Variants in PCSK2 observed in about 807,000 individuals in gnomAD.
The protein encoded by PCSK2 is proprotein convertase subtilisin/kexin type 2, also known as neuroendocrine convertase 2.
PCSK2 carries 14 observed loss-of-function variants against 69.7 expected under a neutral mutation model. The observed-to-expected ratio is 0.20, with a 90% confidence interval of 0.13 to 0.31. The LOEUF (loss-of-function observed/expected upper bound fraction) is 0.31. Among genes scored for constraint, PCSK2 ranks in the 10% least tolerant of loss-of-function variants. PCSK2 has a pLI of 1.00. For missense variants in PCSK2, 544 were observed against 842.5 expected (o/e 0.65, Z 4.39); for synonymous variants, 307 against 320.7 (o/e 0.96, Z 0.46).
intron 2 of PCSK2, among the ~76,000 whole-genome samples, chr20:17,303,502 TA>T: frequency 7.9e-5 from 3 of 38,066 alleles, no homozygotes; most frequent in East Asian, 1.8e-3. Context: ...TTTAATATAA[TA>T]TATATTATAT....
rs1161274418 is a variant in PCSK2, at chr20:17,271,576, G to T, written c.282+11232G>T. Among the ~76,000 whole-genome samples, 3 of 152,038 alleles carry T rather than the reference G, an allele frequency of 2.0e-5. No individual in the cohort carries two copies. The East Asian group carries it at 5.8e-4, about 30-fold the overall frequency. On this transcript the variant is annotated intron_variant, in intron 2 of 11. Transcript: ENST00000262545. Reference sequence around the variant, plus strand: ...CAAGCAAGAGAATAAACGGCAAAATGATCTTCTCCTCTGTGTGAGGAACAC... The same window carrying T: ...CAAGCAAGAGAATAAACGGCAAAATTATCTTCTCCTCTGTGTGAGGAACAC...
At chr20:17,326,459 A>C (rs1990055706) in intron 2 of PCSK2, among the ~76,000 whole-genome samples, 1 of 152,220 alleles carries the variant, frequency 6.6e-6, no homozygotes, top group African/African-American at 2.4e-5. Context: ...AAACTAATTA[A>C]ATCTGAATAA....
At chr20:17,368,962 A>G (rs2030679291) in intron 4 of PCSK2, among the ~76,000 whole-genome samples, 1 of 152,202 alleles carries the variant, frequency 6.6e-6, no homozygotes, top group African/African-American at 2.4e-5. Flanking sequence ...CAAGATTTCT[A>G]CAAATCTCTT....
Position 17,358,353 on chromosome 20 carries a change from A to C in PCSK2, c.309A>C (p.Gly103=), listed in dbSNP as rs141792129. 1.6e-5 allele frequency: 25 copies of C among 1,610,918 alleles called. No individual in the cohort carries two copies. The highest frequency in any genetic ancestry group is 2.0e-5 in the Non-Finnish European group (23 of 1,177,196). Residue 103 remains glycine, a synonymous_variant, in exon 3 of 12, where the codon GGA becomes GGC. Coordinates refer to ENST00000262545, the MANE Select transcript of PCSK2 (RefSeq NM_002594.5). The part of the protein sequence containing the change: ...PRVKMALQQE[G]FDRKKRGYRD... ...TAAAGATGGCTTTGCAGCAGGAAGG[A>C]TTTGACCGAAAAAAGCGAGGTTACA...
chr20:17,290,259 A>G (rs1369877116), intron 2 of PCSK2, among the ~76,000 whole-genome samples: 1 of 152,218 alleles, frequency 6.6e-6, no homozygotes. Flanking sequence ...TAGTGACTGA[A>G]TTAATGATTT....
intron 5 of PCSK2, among the ~76,000 whole-genome samples, chr20:17,385,368 C>A (rs2031207954): frequency 6.6e-6 from 1 of 152,188 alleles, no homozygotes; most frequent in Non-Finnish European, 1.5e-5. Context: ...ATAGCACCCT[C>A]ATTTGAGAGC....
At chr20:17,385,567 T>C (rs942039350) in intron 5 of PCSK2, among the ~76,000 whole-genome samples, 4 of 152,256 alleles carry the variant, frequency 2.6e-5, no homozygotes, top group Non-Finnish European at 2.9e-5. Context: ...GATGCTCCTT[T>C]TCCATGCATG....
chr20:17,351,417 T>TC (rs1182568165), intron 2 of PCSK2, among the ~76,000 whole-genome samples: 1 of 152,106 alleles, frequency 6.6e-6, no homozygotes, highest in African/African-American at 2.4e-5. Flanking sequence ...TACAGGCCAA[T>TC]ATCCCTGATG....
At chr20:17,412,730 C>G (rs2031904912) in intron 6 of PCSK2, among the ~76,000 whole-genome samples, 1 of 152,140 alleles carries the variant, frequency 6.6e-6, no homozygotes, top group African/African-American at 2.4e-5. Flanking sequence ...ACATACTTGT[C>G]AGATTCACCA....
rs528945308 is a variant in PCSK2, at chr20:17,440,654, A to G, written c.885+3771A>G. On this transcript the variant is annotated intron_variant, in intron 8 of 11. Coordinates refer to ENST00000262545, the MANE Select transcript of PCSK2 (RefSeq NM_002594.5). ...GGCGGGTGGATCACCTGAGGTCAGG[A>G]GTTCAAGACCAGCCTGATCAAAATG... Among the ~76,000 whole-genome samples, 5 of 152,298 alleles carry G rather than the reference A, an allele frequency of 3.3e-5. No homozygotes were observed. In the South Asian group the frequency reaches 1.0e-3, roughly 32 times the overall value.
chr20:17,226,673 A>G (rs1985915013), upstream of PCSK2, among the ~76,000 whole-genome samples: 1 of 151,698 alleles, frequency 6.6e-6, no homozygotes, highest in Non-Finnish European at 1.5e-5. Context: ...ACAGATTCCC[A>G]CAAACAATGA....
At chr20:17,471,654 C>T (rs938095903) in intron 11 of PCSK2, among the ~76,000 whole-genome samples, 21 of 152,246 alleles carry the variant, frequency 1.4e-4, no homozygotes, top group African/African-American at 5.1e-4. Flanking sequence ...TCTGCCTCCT[C>T]TCAGTGCCCT....
chr20:17,271,620 CTG>C (rs1372782279), intron 2 of PCSK2, among the ~76,000 whole-genome samples: 3 of 151,978 alleles, frequency 2.0e-5, no homozygotes, highest in Non-Finnish European at 4.4e-5. Flanking sequence ...GTGGTGGGGA[CTG>C]TGGTGAACCT....
At chr20:17,428,779 G>A (rs1187478991) in intron 6 of PCSK2, among the ~76,000 whole-genome samples, 2 of 151,656 alleles carry the variant, frequency 1.3e-5, no homozygotes, top group Non-Finnish European at 2.9e-5. Context: ...TGGGAAGATC[G>A]CTTGAGCCCA....
At chr20:17,454,242 G>A (rs1257229434) in intron 9 of PCSK2, among the ~76,000 whole-genome samples, 1 of 152,144 alleles carries the variant, frequency 6.6e-6, no homozygotes, top group Non-Finnish European at 1.5e-5. Flanking sequence ...GATGAAGTCT[G>A]GTTTACCAAT....
chr20:17,347,203 C>T (rs1435082826), intron 2 of PCSK2, among the ~76,000 whole-genome samples: 3 of 152,240 alleles, frequency 2.0e-5, no homozygotes, highest in Middle Eastern at 3.4e-3. Flanking sequence ...GTGTAATTTG[C>T]CTGTAATTGG....
intron 2 of PCSK2, among the ~76,000 whole-genome samples, chr20:17,306,029 A>G (rs1989315111): frequency 6.6e-6 from 1 of 152,232 alleles, no homozygotes; most frequent in African/African-American, 2.4e-5. Flanking sequence ...CAGAATTTGC[A>G]TGAATAACGT....
intron 2 of PCSK2, among the ~76,000 whole-genome samples, chr20:17,318,763 G>C (rs575889932): frequency 6.6e-6 from 1 of 152,308 alleles, no homozygotes; most frequent in South Asian, 2.1e-4. Flanking sequence ...GCTTTCAGCA[G>C]CTTTGAATAA....
chr20:17,317,944 G>C (rs1329628738), intron 2 of PCSK2, among the ~76,000 whole-genome samples: 1 of 152,158 alleles, frequency 6.6e-6, no homozygotes, highest in Non-Finnish European at 1.5e-5. Context: ...CAGAGATGAA[G>C]AGAATAAATC....
Sources: gnomAD v4.1 joint callset for allele counts (sites outside exome capture counted in the v4.1 genomes callset) on GRCh38, gnomAD v4.1.1 for gene constraint, MANE v1.5 for transcripts, NCBI Gene and HGNC (gene_info 2026-07-23, HGNC 2026-07-21) for gene names.